DBP: variants seen among roughly 807,000 people sequenced by gnomAD.
DBP encodes the protein D site-binding protein.
DBP carries 12 observed loss-of-function variants against 21.4 expected under a neutral mutation model. The ratio of observed to expected loss-of-function variants is 0.56; its 90% confidence interval spans 0.36 to 0.91. The LOEUF (loss-of-function observed/expected upper bound fraction) is 0.91, where lower values mean the gene tolerates loss of function less well. Ranked by LOEUF, DBP falls within the 40% of genes least tolerant of loss-of-function variation. The probability of loss-of-function intolerance (pLI) is 0.01; values close to 1 mark genes in which losing one functional copy is unlikely to be tolerated. For missense variants in DBP, 423 were observed against 473.4 expected (o/e 0.89, Z 0.99); for synonymous variants, 213 against 224.9 (o/e 0.95, Z 0.47).
chr19:48,635,453 C>T, intron 2 of DBP, 127 bp downstream of exon 2: 4 of 1,477,998 alleles, frequency 2.7e-6, no homozygotes, highest in Non-Finnish European at 3.6e-6. Context: ...CGACACCTCT[C>T]GACAACTGGA....
At position 48,630,202 on chromosome 19, in the gene DBP, G is replaced by A; in HGVS notation, c.*635C>T. The A allele has an allele frequency of 8.0e-7, 1 of 1,253,974 alleles. No homozygotes were observed. The allele number at this position is 1,253,974 out of a possible 1,614,324, so 77.7% of individuals were successfully genotyped here. On this transcript the variant is annotated 3_prime_UTR_variant, in exon 4 of 4. Transcript: ENST00000222122. The surrounding 1 kb of genome is among the most constrained non-coding windows in gnomAD (Gnocchi z 4.9). Reference sequence around the variant, plus strand: ...CCCGCAGCCTCGCCCCATCCACTCCGGTGCCTCCATTTAGCTGGCCAATCA... The same window carrying A: ...CCCGCAGCCTCGCCCCATCCACTCCAGTGCCTCCATTTAGCTGGCCAATCA...
Position 48,631,058 on chromosome 19 carries a change from G to C in DBP, c.763-6C>G, listed in dbSNP as rs1257016338. On this transcript the variant is annotated splice_region_variant and splice_polypyrimidine_tract_variant and intron_variant, in intron 3 of 3. Transcript: ENST00000222122. ...CGGCTCCAGTATTTCTCATCCTGCA[G>C]GAGAAGAGGGGGAGAGCACTGAGGT... 2 of 1,610,640 alleles carry C rather than the reference G, an allele frequency of 1.2e-6. No individual in the cohort carries two copies. The highest frequency in any genetic ancestry group is 1.7e-6 in the Non-Finnish European group (2 of 1,178,374).
chr19:48,635,794 G>A lies in DBP; in HGVS notation c.336C>T (p.Gly112=). The change falls in exon 2 of 4, where the codon GGC becomes GGT. Residue 112 remains glycine (G), a synonymous_variant. Coordinates refer to ENST00000222122, the MANE Select transcript of DBP (RefSeq NM_001352.5). ...CGTCCAGGTCTACGTACTCCACATC[G>A]CCGAACGGCAGCGTGCGCTCCCACA... ...PLLWERTLPF[G]DVEYVDLDAF... The A allele has an allele frequency of 2.1e-6, 3 of 1,435,922 alleles. No individual in the cohort carries two copies. The highest frequency in any genetic ancestry group is 2.7e-6 in the Non-Finnish European group (3 of 1,103,230). 88.9% of individuals were successfully genotyped at this position (1,435,922 alleles called of 1,614,324 possible).
Position 48,636,708 on chromosome 19 carries a change from G to C in DBP, c.139+148C>G, listed in dbSNP as rs2030816859. The stretch of plus-strand genomic sequence containing the variant: ...TGGGTCCTGGGCGCTAAGGGATCTA[G>C]GGGCCTAAACACCTGAGTAATTGAG... On this transcript the variant is annotated intron_variant, in intron 1 of 3. Transcript: ENST00000222122. The C allele has an allele frequency of 3.0e-6, 3 of 998,992 alleles. No individual in the cohort carries two copies. The South Asian group carries it at 5.2e-5, about 17-fold the overall frequency. 61.9% of individuals were successfully genotyped at this position (998,992 alleles called of 1,614,324 possible).
chr19:48,635,847 G>A lies in DBP; in HGVS notation c.283C>T (p.Pro95Ser). The A allele has an allele frequency of 5.0e-6, 7 of 1,401,886 alleles. No homozygotes were observed. Among genetic ancestry groups the A allele is most frequent in the South Asian group, 1.5e-5 (1 of 64,560 alleles). The allele number at this position is 1,401,886 out of a possible 1,614,324, so 86.8% of individuals were successfully genotyped here. ...GSPRGRPGPV[P>S]APGLLAPLLW... ...AGTGGCGCCAACAGACCCGGGGCGGGCACCGGCCCCGGGCGCCCCCGCGGG... is the reference window on the plus strand; with the variant it reads ...AGTGGCGCCAACAGACCCGGGGCGGACACCGGCCCCGGGCGCCCCCGCGGG... The change falls in exon 2 of 4, where the codon CCC (proline) becomes TCC (serine). Residue 95 changes from proline to serine, a missense_variant. This residue lies in a region of DBP where 283 missense variants were observed against 273.7 expected (regional missense o/e 1.03). Coordinates refer to ENST00000222122, the MANE Select transcript of DBP (RefSeq NM_001352.5).
At chr19:48,634,962 G>A (rs980314819) in intron 2 of DBP, 4 of 985,694 alleles carry the variant, frequency 4.1e-6, no homozygotes, top group African/African-American at 1.7e-5. Context: ...ACGATTCTGG[G>A]ATCCCAGGCC....
At chr19:48,635,311 C>T in intron 2 of DBP, 1 of 1,269,854 alleles carries the variant, frequency 7.9e-7, no homozygotes, top group Non-Finnish European at 1.0e-6. Context: ...TCGTTTGTCC[C>T]CAAGTCCCAC....
At chr19:48,631,231 A>G (rs1239784772) in intron 3 of DBP, 179 bp from the exon 4 acceptor site, 6 of 606,156 alleles carry the variant, frequency 9.9e-6, no homozygotes, top group Non-Finnish European at 1.7e-5. Flanking sequence ...GCAACAGTAA[A>G]GGCATGAGAT....
chr19:48,635,524 GC>G, intron 2 of DBP, 55 bp downstream of exon 2: 5 of 1,464,452 alleles, frequency 3.4e-6, no homozygotes, highest in East Asian at 3.0e-5. Flanking sequence ...GCACAGCCCC[GC>G]CCCCTGAGTC....
At position 48,633,465 on chromosome 19, in the gene DBP, G is replaced by A. The variant is rs1280744293; in HGVS notation, c.741C>T (p.Ile247=). The stretch of plus-strand genomic sequence containing the variant: ...TCACCTTCTGCTCCTCCGGCACCTG[G>A]ATTTTTCTTGCCTTCTTCATGATTG... ...PQPIMKKARK[I]QVPEEQKDEK... The change falls in exon 3 of 4, where the codon ATC becomes ATT. Residue 247 remains isoleucine (I), a synonymous_variant. Transcript: ENST00000222122. 1.9e-6 allele frequency: 3 copies of A among 1,614,138 alleles called. No individual in the cohort carries two copies. Among genetic ancestry groups the A allele is most frequent in the South Asian group, 1.1e-5 (1 of 91,084 alleles).
chr19:48,634,682 G>C (rs938754518), intron 2 of DBP: 5 of 985,292 alleles, frequency 5.1e-6, no homozygotes, highest in African/African-American at 1.7e-5. Flanking sequence ...GCGCGGAGGA[G>C]GGATGGGAGG....
chr19:48,634,955 A>G (rs1280421062), intron 2 of DBP: 2 of 985,550 alleles, frequency 2.0e-6, no homozygotes, highest in Admixed American at 6.1e-5. Flanking sequence ...GGCTACCACG[A>G]TTCTGGGATC....
intron 2 of DBP, chr19:48,634,653 T>C: frequency 3.1e-6 from 3 of 981,840 alleles, no homozygotes; most frequent in Non-Finnish European, 3.6e-6. Flanking sequence ...CCCCTCGCGC[T>C]TGAAGGCGCC....
In DBP at chr19:48,630,590, T is replaced by C. The variant is rs955392218; in HGVS notation, c.*247A>G. 2.0e-6 allele frequency: 3 copies of C among 1,533,058 alleles called. No homozygotes were observed. The Admixed American group carries it at 6.0e-5, about 30-fold the overall frequency. The allele number at this position is 1,533,058 out of a possible 1,614,324, so 95.0% of individuals were successfully genotyped here. On this transcript the variant is annotated 3_prime_UTR_variant, in exon 4 of 4. Transcript: ENST00000222122. This position sits in a 1 kb window ranked among gnomAD's most constrained non-coding sequence, Gnocchi z 4.9. ...GGTTCTCAAGATTTATTCAGGATCG[T>C]GTTAACGGAGGCGGTGGGAGGATAG...
chr19:48,631,089 G>GGGACCCA (rs2030565156), intron 3 of DBP, 37 bp from the exon 4 acceptor site: 6 of 1,581,350 alleles, frequency 3.8e-6, no homozygotes, highest in Non-Finnish European at 5.2e-6. Context: ...GAGGTCCAGA[G>GGGACCCA]GGACCCAGGT....
intron 2 of DBP, chr19:48,633,980 A>G (rs1272883664): frequency 2.8e-6 from 1 of 351,464 alleles, no homozygotes; most frequent in Non-Finnish European, 5.4e-6. Flanking sequence ...GGTGCCGGTA[A>G]GCCCAGCTAC....
At chr19:48,634,193 C>G (rs1421111591) in intron 2 of DBP, 1 of 162,042 alleles carries the variant, frequency 6.2e-6, no homozygotes, top group Non-Finnish European at 1.4e-5. Context: ...AACAAGGAAA[C>G]TGAGTCCCAG....
intron 2 of DBP, 103 bp downstream of exon 2, chr19:48,635,477 G>C: frequency 2.0e-6 from 3 of 1,477,712 alleles, no homozygotes; most frequent in Non-Finnish European, 2.7e-6. Context: ...AGAATTCGAG[G>C]CCGCAGCCAG....
At position 48,635,967 on chromosome 19, in the gene DBP, T is replaced by G; in HGVS notation, c.163A>C (p.Lys55Gln). Residue 55 changes from lysine to glutamine, a missense_variant, in exon 2 of 4, where the codon AAG becomes CAG. Around this residue, in one of 4 missense-constraint regions of DBP, gnomAD observed 283 missense variants for 273.7 expected, o/e 1.03. Coordinates refer to ENST00000222122, the MANE Select transcript of DBP (RefSeq NM_001352.5). ...GTTGTGGCTGCAGGCAGGGCCGCCT[T>G]GCGCTCCTTTTCCTTCAGGAGACCT... ...ASCLLKEKER[K>Q]AALPAATTPG... The G allele has an allele frequency of 1.3e-6, 2 of 1,522,904 alleles. No individual in the cohort carries two copies. The highest frequency in any genetic ancestry group is 8.8e-7 in the Non-Finnish European group (1 of 1,142,064). 94.3% of individuals were successfully genotyped at this position (1,522,904 alleles called of 1,614,324 possible). A position where few individuals can be genotyped will look rare whatever the true frequency, so the allele number is the denominator to read the frequency against.
Sources: gnomAD v4.1 joint callset for allele counts on GRCh38, gnomAD v4.1.1 for gene constraint, gnomAD v4.1.1 regional missense constraint, Gnocchi (gnomAD v3.1) non-coding constraint, MANE v1.5 for transcripts, NCBI Gene and HGNC (gene_info 2026-07-23, HGNC 2026-07-21) for gene names.